AGBL3: variants seen among roughly 807,000 people sequenced by gnomAD.
AGBL3 encodes cytosolic carboxypeptidase 3.
In AGBL3, 68 loss-of-function variants were observed where a neutral mutation model predicts 94.5. The ratio of observed to expected loss-of-function variants is 0.72; its 90% CI spans 0.59 to 0.88. The LOEUF (loss-of-function observed/expected upper bound fraction) is 0.88. Among genes scored for constraint, AGBL3 ranks in the 40% least tolerant of loss-of-function variants. AGBL3 has a pLI of 0.00. For synonymous variants in AGBL3, 354 were observed against 370.7 expected, an observed-to-expected ratio of 0.95 and a Z score of 0.52; for missense variants, 934 against 1,103.8, an observed-to-expected ratio of 0.85 and a Z score of 2.18.
At chr7:135,011,598 G>C (rs540192436) in intron 4 of AGBL3, 6 of 152,154 alleles carry the variant, frequency 3.9e-5, no homozygotes, top group African/African-American at 7.2e-5. Flanking sequence ...ATGGGCAAGA[G>C]ACTTGAATGG....
intron 6 of AGBL3, 119 bp from the exon 7 acceptor site, chr7:135,034,030 G>A (rs1816043196): frequency 2.1e-6 from 2 of 946,708 alleles, no homozygotes; most frequent in Non-Finnish European, 3.0e-6. Context: ...AAAGCTTTCT[G>A]TGAATGAGTA....
At chr7:135,059,703 T>G (rs1487187346) in intron 12 of AGBL3, among the ~76,000 whole-genome samples, 1 of 152,160 alleles carries the variant, frequency 6.6e-6, no homozygotes, top group Admixed American at 6.5e-5. Context: ...ACATGATGTG[T>G]TACATGGGAT....
chr7:135,017,053 T>C lies in AGBL3; in HGVS notation c.312T>C (p.Asp104=). The change falls in exon 5 of 17, where the codon GAT becomes GAC. Residue 104 remains aspartate, a splice_region_variant and synonymous_variant. Transcript: ENST00000436302. The stretch of plus-strand genomic sequence containing the variant: ...ATAATGTTTCACTTTTTTTTCCAGA[T>C]TGGACTCCTTCTTGTCCTGAGCCAG... The part of the protein sequence containing the change: ...EVIDEKVQHI[D]WTPSCPEPVY... The C allele has an allele frequency of 6.5e-7, 1 of 1,528,632 alleles. No individual in the cohort carries two copies. Among genetic ancestry groups the C allele is most frequent in the African/African-American group, 1.4e-5 (1 of 72,718 alleles). 94.7% of individuals were successfully genotyped at this position (1,528,632 alleles called of 1,614,324 possible).
intron 16 of AGBL3, chr7:135,129,535 CT>C: frequency 1.3e-6 from 1 of 772,328 alleles, no homozygotes. Flanking sequence ...ATGACATGTA[CT>C]GGCTGTATGC....
chr7:135,041,094 AG>A (rs1467753598), intron 8 of AGBL3, among the ~76,000 whole-genome samples: 2 of 152,220 alleles, frequency 1.3e-5, no homozygotes, highest in African/African-American at 2.4e-5. Context: ...TATATGCTGA[AG>A]CCTTAAAAAT....
intron 5 of AGBL3, among the ~76,000 whole-genome samples, chr7:135,018,602 G>A (rs1814076080): frequency 6.6e-6 from 1 of 151,854 alleles, no homozygotes; most frequent in Admixed American, 6.6e-5. Flanking sequence ...GTTTGAGGAT[G>A]AAAAAAAGTC....
At chr7:135,045,332 A>C in intron 9 of AGBL3, 142 bp from the exon 10 acceptor site, 1 of 659,136 alleles carries the variant, frequency 1.5e-6, no homozygotes, top group South Asian at 1.9e-5. Flanking sequence ...ATGAGATGTT[A>C]AATGACCTGT....
Position 135,034,922 on chromosome 7 carries a change from T to C in AGBL3, c.1331T>C (p.Val444Ala), listed in dbSNP as rs1816152235. Residue 444 changes from valine (V) to alanine (A), a missense_variant, in exon 7 of 17, where the codon GTT (valine) becomes GCT (alanine). Val to Ala is a moderately conservative substitution (Grantham distance 64). Transcript: ENST00000436302. ...TCTGTATGGTATACCCGGAACATGG[T>C]TCATAGGTAAAATAAGCCTCAAATT... ...FPSVWYTRNMVHRLMEKREVI... is the reference protein window; with the variant it reads ...FPSVWYTRNMAHRLMEKREVI... The C allele has an allele frequency of 1.3e-6, 2 of 1,495,230 alleles. No homozygotes were observed. The highest frequency in any genetic ancestry group is 2.8e-5 in the African/African-American group (2 of 71,158). 92.6% of individuals were successfully genotyped at this position (1,495,230 alleles called of 1,614,324 possible).
At chr7:135,024,391 A>G (rs1814856787) in intron 5 of AGBL3, among the ~76,000 whole-genome samples, 1 of 152,234 alleles carries the variant, frequency 6.6e-6, no homozygotes, top group Non-Finnish European at 1.5e-5. Flanking sequence ...CATTCTGCCC[A>G]ATATACATTC....
chr7:135,068,832 C>T (rs1311262209), intron 12 of AGBL3, among the ~76,000 whole-genome samples: 2 of 152,282 alleles, frequency 1.3e-5, no homozygotes, highest in South Asian at 2.1e-4. Flanking sequence ...CATCAACTAA[C>T]GAGCAAAATA....
At chr7:135,115,304 G>A in intron 15 of AGBL3, 76 bp from the exon 16 acceptor site, 1 of 929,584 alleles carries the variant, frequency 1.1e-6, no homozygotes, top group South Asian at 1.9e-5. Context: ...TAAAATCCTT[G>A]GCATATAATA....
intron 4 of AGBL3, among the ~76,000 whole-genome samples, chr7:134,996,316 A>G (rs1252983340): frequency 6.6e-6 from 1 of 152,212 alleles, no homozygotes; most frequent in African/African-American, 2.4e-5. Flanking sequence ...AGACCCCTGT[A>G]GTCATGACAT....
intron 7 of AGBL3, among the ~76,000 whole-genome samples, chr7:135,037,038 G>A (rs1816381011): frequency 6.6e-6 from 1 of 152,040 alleles, no homozygotes; most frequent in Admixed American, 6.6e-5. Context: ...TCCTGCCTCA[G>A]CCTCCCAAGC....
chr7:135,073,043 G>A (rs551825890), intron 12 of AGBL3, among the ~76,000 whole-genome samples: 16 of 152,026 alleles, frequency 1.1e-4, no homozygotes, highest in Admixed American at 1.3e-4. Flanking sequence ...ATTATGCCCC[G>A]TAAAATAAGC....
At chr7:135,045,646 G>A (rs1253777452) in intron 10 of AGBL3, 72 bp downstream of exon 10, 3 of 1,409,254 alleles carry the variant, frequency 2.1e-6, no homozygotes, top group East Asian at 2.5e-5. Context: ...ATGGGCCTAT[G>A]CAGTGTTTGC....
intron 15 of AGBL3, among the ~76,000 whole-genome samples, chr7:135,084,416 T>A (rs575811112): frequency 4.6e-4 from 70 of 152,270 alleles, no homozygotes; most frequent in South Asian, 1.0e-3. Flanking sequence ...ACCCTATAGT[T>A]CTATGGAACA....
At chr7:135,019,078 A>T (rs958978680) in intron 5 of AGBL3, among the ~76,000 whole-genome samples, 1 of 152,202 alleles carries the variant, frequency 6.6e-6, no homozygotes, top group Non-Finnish European at 1.5e-5. Flanking sequence ...AGCTTCATAT[A>T]AATTCAGTCA....
chr7:135,021,649 A>T (rs1814485761), intron 5 of AGBL3, among the ~76,000 whole-genome samples: 1 of 129,278 alleles, frequency 7.7e-6, no homozygotes, highest in South Asian at 2.7e-4. Flanking sequence ...TACACAGCAT[A>T]TCATTGGGAT....
At chr7:135,132,583 T>C (rs1828923383) in intron 16 of AGBL3, among the ~76,000 whole-genome samples, 3 of 152,166 alleles carry the variant, frequency 2.0e-5, no homozygotes, top group Non-Finnish European at 4.4e-5. Flanking sequence ...TCACCTTTAA[T>C]TGTAATAATC....
Sources: allele counts gnomAD v4.1 joint callset (sites outside exome capture counted in the v4.1 genomes callset), GRCh38; gene constraint gnomAD v4.1.1; transcripts MANE v1.5; gene names NCBI Gene and HGNC (gene_info 2026-07-23, HGNC 2026-07-21).